ZNF207: variants seen among roughly 807,000 people sequenced by gnomAD.
ZNF207 encodes zinc finger protein 207.
In ZNF207, 24 loss-of-function variants were observed where a neutral mutation model predicts 60.2. That is an observed-to-expected ratio of 0.40 (90% CI 0.29 to 0.56). ZNF207 has a LOEUF of 0.56. Ranked by LOEUF, ZNF207 falls within the 20% of genes least tolerant of loss-of-function variation. The pLI is 0.49. For missense variants in ZNF207, 452 were observed against 636.6 expected (o/e 0.71, Z 3.12); for synonymous variants, 236 against 194.7 (o/e 1.21, Z -1.77).
At position 32,374,985 on chromosome 17, in the gene ZNF207, G is replaced by C. The variant is rs1241463069; in HGVS notation, c.*5226G>C. On this transcript the variant is annotated 3_prime_UTR_variant, in exon 12 of 12. Transcript: ENST00000394670. ...GTAGGGAATAATTAGGGAATTGGAA[G>C]AGAGGCCAAAAACAAACCTGAATTA... 1 of 152,208 alleles carries C rather than the reference G, an allele frequency of 6.6e-6. No homozygotes were observed. The highest frequency in any genetic ancestry group is 1.5e-5 in the Non-Finnish European group (1 of 68,028). 9.4% of individuals were successfully genotyped at this position (152,208 alleles called of 1,614,324 possible). A position where few individuals can be genotyped will look rare whatever the true frequency, so the allele number is the denominator to read the frequency against.
At chr17:32,366,040 G>C (rs536652317) in intron 8 of ZNF207, among the ~76,000 whole-genome samples, 1 of 152,080 alleles carries the variant, frequency 6.6e-6, no homozygotes. Flanking sequence ...AGATGCTTCT[G>C]TTCTATATGG....
intron 1 of ZNF207, chr17:32,351,567 T>A: frequency 6.5e-7 from 1 of 1,533,064 alleles, no homozygotes; most frequent in Non-Finnish European, 8.7e-7. Context: ...TGAGATGTGT[T>A]TTTTGGGGTG....
At position 32,371,397 on chromosome 17, in the gene ZNF207, A is replaced by G. The variant is rs61355519; in HGVS notation, c.*1638A>G. On this transcript the variant is annotated 3_prime_UTR_variant, in exon 12 of 12. Transcript: ENST00000394670. ...ACAAAAGAGTTCGTATTTATGTGAC[A>G]GATGAAAGTCATACCTTTAAGCAAA... 0.021 allele frequency: 3,216 copies of G among 152,270 alleles called. 101 individuals carry two copies. Among genetic ancestry groups the G allele is most frequent in the African/African-American group, 0.072 (2,990 of 41,514 alleles). The allele number at this position is 152,270 out of a possible 1,614,324, so 9.4% of individuals were successfully genotyped here.
At chr17:32,352,006 C>T (rs1298791733) in intron 2 of ZNF207, 94 bp downstream of exon 2, 5 of 1,311,748 alleles carry the variant, frequency 3.8e-6, no homozygotes, top group Admixed American at 2.7e-5. Context: ...TCGGTCTTGT[C>T]GCCCAAGCTG....
chr17:32,369,270 G>A, intron 10 of ZNF207, 25 bp from the exon 11 acceptor site: 2 of 1,611,430 alleles, frequency 1.2e-6, no homozygotes, highest in South Asian at 2.2e-5. Flanking sequence ...CGAGTATTTA[G>A]CCCTGCGCTT....
rs1166185685 is a variant in ZNF207 at position 32,379,722 on chromosome 17, T to C, written c.*9963T>C. ...AGGGTTTCTTTGAGAGGCTTAAAAA[T>C]TTCAAAAGTATTATTTAAGCCACTC... On this transcript the variant is annotated 3_prime_UTR_variant, in exon 12 of 12. Transcript: ENST00000394670. 1 of 152,060 alleles carries C rather than the reference T, an allele frequency of 6.6e-6. No homozygotes were observed. Among genetic ancestry groups the C allele is most frequent in the East Asian group, 1.9e-4 (1 of 5,190 alleles). The allele number at this position is 152,060 out of a possible 1,614,324, so 9.4% of individuals were successfully genotyped here.
In ZNF207 at chr17:32,358,642, GTAAA is replaced by G. The variant is rs780547456; in HGVS notation, c.307+4_307+7del. The G allele has an allele frequency of 1.6e-5, 24 of 1,470,860 alleles. No individual in the cohort carries two copies. The African/African-American group carries it at 3.1e-4, about 19-fold the overall frequency. 91.1% of individuals were successfully genotyped at this position (1,470,860 alleles called of 1,614,324 possible). A position where few individuals can be genotyped will look rare whatever the true frequency, so the allele number is the denominator to read the frequency against. ...CGACTTCTTGAACAGAAAACACAAG[GTAAA>G]TATTGGGATAAGTTTTATTTTATTT... On this transcript the variant is annotated splice_donor_variant and splice_donor_5th_base_variant and intron_variant, in intron 3 of 11. Transcript: ENST00000394670. LOFTEE classifies it high-confidence loss of function.
rs1567824982 is a variant in ZNF207, at chr17:32,367,269, AT to A, written c.922-502del. Among the ~76,000 whole-genome samples, 902 of 110,308 alleles carry A rather than the reference AT, an allele frequency of 8.2e-3. 36 individuals are homozygous for A. Among genetic ancestry groups the A allele is most frequent in the African/African-American group, 0.028 (783 of 27,930 alleles). The allele number at this position is 110,308 out of a possible 152,430, so 72.4% of individuals were successfully genotyped here. A position where few individuals can be genotyped will look rare whatever the true frequency, so the allele number is the denominator to read the frequency against. On this transcript the variant is annotated intron_variant, in intron 9 of 11. Transcript: ENST00000394670. ...TATATATATATATATATATATATAT[AT>A]ATATATATATATATAAAGAATACTA...
intron 2 of ZNF207, among the ~76,000 whole-genome samples, chr17:32,355,673 G>T (rs1904466448): frequency 6.6e-6 from 1 of 152,178 alleles, no homozygotes; most frequent in Non-Finnish European, 1.5e-5. Context: ...TTGGAAATTA[G>T]GTGCTCTCTG....
chr17:32,352,540 G>A (rs550819648), intron 2 of ZNF207, among the ~76,000 whole-genome samples: 2 of 152,244 alleles, frequency 1.3e-5, no homozygotes, highest in African/African-American at 4.8e-5. Context: ...AAGGATCAGC[G>A]ATTTAGATTT....
Position 32,365,683 on chromosome 17 carries a change from C to T in ZNF207, c.828+196C>T, listed in dbSNP as rs1050166941. The T allele has an allele frequency of 8.3e-5, 26 of 312,542 alleles. 1 individual carries two copies. Among genetic ancestry groups the T allele is most frequent in the African/African-American group, 1.3e-4 (6 of 44,964 alleles). 19.4% of individuals were successfully genotyped at this position (312,542 alleles called of 1,614,324 possible). ...TTTCCTCTACCCATAAAAGGTTGAA[C>T]GGAGCCAAAGTTAGTATGTTACTTT... On this transcript the variant is annotated intron_variant, in intron 8 of 11. Coordinates refer to ENST00000394670, the MANE Select transcript of ZNF207 (RefSeq NM_001098507.2).
chr17:32,357,394 G>T (rs1904599340), intron 2 of ZNF207, among the ~76,000 whole-genome samples: 1 of 142,230 alleles, frequency 7.0e-6, no homozygotes, highest in African/African-American at 2.7e-5. Context: ...TCTTGCCCAG[G>T]CTAGAGTGCC....
chr17:32,351,889 G>T lies in ZNF207; in HGVS notation c.145G>T (p.Gly49Cys). Reference protein sequence around the residue: ...ICHKKLYTGPGLAIHCMQVHK... With the variant: ...ICHKKLYTGPCLAIHCMQVHK... ...TCACAAGAAATTGTATACAGGACCT[G>T]GCTTAGCTATTCATTGCATGCAGGT... The change falls in exon 2 of 12, where the codon GGC becomes TGC. Residue 49 changes from glycine (G) to cysteine (C), a missense_variant. By Grantham distance (159) the Gly-to-Cys change is radical (BLOSUM62 -3). Around this residue, in one of 2 missense-constraint regions of ZNF207, gnomAD observed 62 missense variants for 175.3 expected, o/e 0.35. Transcript: ENST00000394670. 1 of 1,573,494 alleles carries T rather than the reference G, an allele frequency of 6.4e-7. No homozygotes were observed.
Position 32,350,161 on chromosome 17 carries a change from G to A in ZNF207, c.-125G>A. On this transcript the variant is annotated 5_prime_UTR_variant, in exon 1 of 12. Transcript: ENST00000394670. ...GGCGGAGCGGGGAACGAGGCCGTCGGCCATTTTGTGTCTGCTTCCTGTGGG... is the reference window on the plus strand; with the variant it reads ...GGCGGAGCGGGGAACGAGGCCGTCGACCATTTTGTGTCTGCTTCCTGTGGG... 1.3e-6 allele frequency: 2 copies of A among 1,495,966 alleles called. No homozygotes were observed. The highest frequency in any genetic ancestry group is 1.9e-6 in the Non-Finnish European group (2 of 1,079,452). 92.7% of individuals were successfully genotyped at this position (1,495,966 alleles called of 1,614,324 possible). A position where few individuals can be genotyped will look rare whatever the true frequency, so the allele number is the denominator to read the frequency against.
intron 10 of ZNF207, chr17:32,368,808 C>G (rs925590979): frequency 4.6e-5 from 7 of 153,818 alleles, no homozygotes; most frequent in African/African-American, 1.7e-4. Context: ...GAGTTCGAGA[C>G]CAGCCTGACC....
chr17:32,354,707 G>A (rs1489818294), intron 2 of ZNF207, among the ~76,000 whole-genome samples: 3 of 151,994 alleles, frequency 2.0e-5, no homozygotes, highest in South Asian at 2.1e-4. Flanking sequence ...TCTGCCCTCC[G>A]GGTTCAAGCA....
Position 32,369,354 on chromosome 17 carries a change from C to A in ZNF207, c.1224C>A (p.Ala408=), listed in dbSNP as rs369824557. The A allele has an allele frequency of 9.3e-5, 150 of 1,614,038 alleles. No individual in the cohort carries two copies. In the African/African-American group the frequency reaches 1.8e-3, roughly 20 times the overall value. The part of the protein sequence containing the change: ...YQRNLPRPGQ[A]PIGNPPVGPI... ...GTAATCTTCCTCGGCCAGGACAGGCCCCCATCGGTAATCCACCAGTTGGAC... is the reference window on the plus strand; with the variant it reads ...GTAATCTTCCTCGGCCAGGACAGGCACCCATCGGTAATCCACCAGTTGGAC... Residue 408 remains alanine, a synonymous_variant, in exon 11 of 12, where the codon GCC becomes GCA. Transcript: ENST00000394670.
rs939659861 is a variant in ZNF207, at chr17:32,371,784, C to T, written c.*2025C>T. 5 of 152,140 alleles carry T rather than the reference C, an allele frequency of 3.3e-5. No homozygotes were observed. The highest frequency in any genetic ancestry group is 1.2e-4 in the African/African-American group (5 of 41,414). The allele number at this position is 152,140 out of a possible 1,614,324, so 9.4% of individuals were successfully genotyped here. A position where few individuals can be genotyped will look rare whatever the true frequency, so the allele number is the denominator to read the frequency against. ...GGCTTCAATGATTTTGGCTCCTGTG[C>T]TTGTGGTACCATAGTGGTACAAAAA... On this transcript the variant is annotated 3_prime_UTR_variant, in exon 12 of 12. Transcript: ENST00000394670.
rs766702333 is a variant in ZNF207, at chr17:32,362,963, C to T, written c.649C>T (p.Leu217=). The change falls in exon 7 of 12, where the codon CTG becomes TTG. Residue 217 remains leucine (L), a synonymous_variant. Coordinates refer to ENST00000394670, the MANE Select transcript of ZNF207 (RefSeq NM_001098507.2). The part of the protein sequence containing the change: ...MMPPGPGIPP[L]MPGMPPGMPP... ...GCCACCTGGACCAGGAATACCACCT[C>T]TGATGCCTGGAATGCCACCAGGTAT... 1.8e-5 allele frequency: 29 copies of T among 1,613,158 alleles called. No individual in the cohort carries two copies. In the South Asian group the frequency reaches 3.2e-4, roughly 18 times the overall value.
Sources: allele counts gnomAD v4.1 joint callset (sites outside exome capture counted in the v4.1 genomes callset), GRCh38; gene constraint gnomAD v4.1.1; regional missense constraint gnomAD v4.1.1; transcripts MANE v1.5; gene names NCBI Gene and HGNC (gene_info 2026-07-23, HGNC 2026-07-21).